The following CDK14 variants were observed in gnomAD, a reference collection of about 807,000 sequenced individuals.
CDK14 encodes cyclin dependent kinase 14, also known as cyclin-dependent kinase 14.
Under a neutral mutation model 60.7 loss-of-function variants are expected in CDK14, and 34 were observed. That is an observed-to-expected ratio of 0.56 (90% confidence interval 0.43 to 0.75). The LOEUF is 0.75. Ranked by LOEUF, CDK14 falls within the 30% of genes least tolerant of loss-of-function variation. The pLI is 0.00. For synonymous variants in CDK14, 197 were observed against 203.7 expected, an observed-to-expected ratio of 0.97 and a Z score of 0.28; for missense variants, 482 against 564.1, an observed-to-expected ratio of 0.85 and a Z score of 1.47.
At position 91,209,606 on chromosome 7, in the gene CDK14, T is replaced by C. The variant is rs535751534; in HGVS notation, c.*2470T>C. ...AAAGCACTGGAATGTTTTGTGAGAT[T>C]ATTTTTATATGAAGGAATAGCCTGA... On this transcript the variant is annotated 3_prime_UTR_variant, in exon 15 of 15. Coordinates refer to ENST00000380050, the MANE Select transcript of CDK14 (RefSeq NM_001287135.2). The C allele has an allele frequency of 6.5e-6, 1 of 152,674 alleles. No individual in the cohort carries two copies. The allele number at this position is 152,674 out of a possible 1,614,324, so 9.5% of individuals were successfully genotyped here.
chr7:90,954,641 T>G (rs1327430476), intron 8 of CDK14, among the ~76,000 whole-genome samples: 2 of 2,460 alleles, frequency 8.1e-4, no homozygotes, highest in African/African-American at 1.2e-3. Context: ...TTTTTTTTTT[T>G]TGAGACGGAG....
intron 12 of CDK14, among the ~76,000 whole-genome samples, chr7:91,102,739 A>G (rs1799179030): frequency 6.6e-6 from 1 of 152,150 alleles, no homozygotes; most frequent in Admixed American, 6.5e-5. Context: ...AGAAAAAAAA[A>G]AAAGAAAATG....
At chr7:90,712,543 T>C (rs1248176855) in intron 2 of CDK14, among the ~76,000 whole-genome samples, 1 of 152,102 alleles carries the variant, frequency 6.6e-6, no homozygotes, top group Non-Finnish European at 1.5e-5. Flanking sequence ...TATGATGACA[T>C]GAATCAAGTT....
At chr7:90,781,430 A>T (rs1805314122) in intron 4 of CDK14, among the ~76,000 whole-genome samples, 1 of 151,010 alleles carries the variant, frequency 6.6e-6, no homozygotes, top group Admixed American at 6.6e-5. Context: ...ATTAGATCCC[A>T]TTTGTCAATT....
intron 2 of CDK14, among the ~76,000 whole-genome samples, chr7:90,622,260 C>G (rs1319540095): frequency 7.4e-6 from 1 of 135,748 alleles, no homozygotes; most frequent in East Asian, 2.4e-4. Flanking sequence ...TAATTTAGTG[C>G]CTGCATCTTT....
chr7:91,156,493 C>T (rs1458187277), intron 14 of CDK14, among the ~76,000 whole-genome samples: 1 of 151,870 alleles, frequency 6.6e-6, no homozygotes, highest in Non-Finnish European at 1.5e-5. Flanking sequence ...CTCTTGCCTA[C>T]AGCTGCTCTC....
intron 14 of CDK14, among the ~76,000 whole-genome samples, chr7:91,186,988 T>C (rs150530539): frequency 6.6e-6 from 1 of 152,306 alleles, no homozygotes; most frequent in East Asian, 1.9e-4. Context: ...ATTAGCTCAA[T>C]TAAAGCACAA....
chr7:91,114,241 A>G (rs1373397742), intron 13 of CDK14, among the ~76,000 whole-genome samples: 1 of 152,158 alleles, frequency 6.6e-6, no homozygotes, highest in Non-Finnish European at 1.5e-5. Context: ...TGAATTCTGA[A>G]TTCTGTAGTA....
chr7:90,876,156 A>G (rs920706468), intron 6 of CDK14, among the ~76,000 whole-genome samples: 1 of 152,152 alleles, frequency 6.6e-6, no homozygotes, highest in East Asian at 1.9e-4. Context: ...ATTTCACTGT[A>G]GGTACTGACT....
At chr7:90,599,750 C>G (rs1207416073) in intron 1 of CDK14, among the ~76,000 whole-genome samples, 1 of 152,168 alleles carries the variant, frequency 6.6e-6, no homozygotes, top group Non-Finnish European at 1.5e-5. Flanking sequence ...AATAGACATG[C>G]TGACTTTATT....
At chr7:90,916,704 G>C (rs1201695649) in intron 7 of CDK14, among the ~76,000 whole-genome samples, 1 of 152,082 alleles carries the variant, frequency 6.6e-6, no homozygotes, top group Non-Finnish European at 1.5e-5. Flanking sequence ...TTTTGTTTTA[G>C]GAGATTGATT....
chr7:91,010,741 CTTCTTTCCTTCCTTCT>C (rs1474401486), intron 10 of CDK14, among the ~76,000 whole-genome samples: 7 of 145,626 alleles, frequency 4.8e-5, no homozygotes, highest in African/African-American at 1.0e-4. Context: ...CTTTTCCTTC[CTTCTTTCCTTCCTTCT>C]TTCTTTCCTT....
At chr7:90,989,510 A>C (rs1009555370) in intron 10 of CDK14, among the ~76,000 whole-genome samples, 1 of 152,042 alleles carries the variant, frequency 6.6e-6, no homozygotes, top group Non-Finnish European at 1.5e-5. Flanking sequence ...AAGACATAAA[A>C]GAATTATGTG....
chr7:90,861,597 A>G (rs2117215891), intron 5 of CDK14, among the ~76,000 whole-genome samples: 1 of 152,296 alleles, frequency 6.6e-6, no homozygotes, highest in Middle Eastern at 3.4e-3. Flanking sequence ...CATTGCCTCT[A>G]GGGGAGAGTC....
chr7:90,739,434 A>G (rs1007345378), intron 3 of CDK14, among the ~76,000 whole-genome samples: 1 of 152,034 alleles, frequency 6.6e-6, no homozygotes, highest in Admixed American at 6.5e-5. Flanking sequence ...TTGTTTTTCT[A>G]ATTTCCTCAG....
chr7:90,935,099 T>C (rs1180786110), intron 8 of CDK14, among the ~76,000 whole-genome samples: 1 of 152,154 alleles, frequency 6.6e-6, no homozygotes, highest in East Asian at 1.9e-4. Flanking sequence ...GGGCAGCAGG[T>C]AGAAGGACAA....
At chr7:91,035,042 C>A (rs986904386) in intron 10 of CDK14, among the ~76,000 whole-genome samples, 2 of 151,916 alleles carry the variant, frequency 1.3e-5, no homozygotes, top group African/African-American at 4.8e-5. Context: ...TGGTTCCCTG[C>A]AAAATAATTA....
intron 7 of CDK14, 139 bp from the exon 8 acceptor site, chr7:90,917,462 C>T (rs1259987614): frequency 4.6e-6 from 3 of 659,190 alleles, no homozygotes; most frequent in East Asian, 2.7e-5. Context: ...ATCTCACATT[C>T]TGTTGAAATA....
At chr7:90,759,931 C>G (rs1212488222) in intron 4 of CDK14, among the ~76,000 whole-genome samples, 2 of 152,162 alleles carry the variant, frequency 1.3e-5, no homozygotes, top group African/African-American at 2.4e-5. Flanking sequence ...TCTGCAGGAG[C>G]CTGCCAAAGA....
Sources: gnomAD v4.1 joint callset for allele counts (sites outside exome capture counted in the v4.1 genomes callset) on GRCh38, gnomAD v4.1.1 for gene constraint, MANE v1.5 for transcripts, NCBI Gene and HGNC (gene_info 2026-07-23, HGNC 2026-07-21) for gene names.